Variants in NFYA observed in about 807,000 individuals in gnomAD.
NFYA encodes the protein CAAT-box DNA binding protein subunit A.
NFYA carries 28 observed loss-of-function variants against 52.8 expected under a neutral mutation model. The observed-to-expected ratio is 0.53, with a 90% confidence interval of 0.39 to 0.73. The LOEUF is 0.73. NFYA is among the 30% of genes least tolerant of loss of function. The pLI is 0.00. For synonymous variants in NFYA, 150 were observed against 150.7 expected (o/e 1.00, Z 0.03); for missense variants, 234 against 427.0 (o/e 0.55, Z 3.98).
chr6:41,093,092 A>G lies in NFYA; in HGVS notation c.888+7A>G, dbSNP rs775852517. 10 of 1,613,142 alleles carry G rather than the reference A, an allele frequency of 6.2e-6. 1 individual carries two copies. The South Asian group carries it at 9.9e-5, about 16-fold the overall frequency. On this transcript the variant is annotated splice_region_variant and intron_variant, in intron 8 of 9. Coordinates refer to ENST00000341376, the MANE Select transcript of NFYA (RefSeq NM_002505.5). ...AATTCCAAAGGAGAGAAGGGTATGT[A>G]TAACATTGGGAAGGATATAGGAAAG...
At position 41,101,476 on chromosome 6, in the gene NFYA, C is replaced by T. The variant is rs1180421881; in HGVS notation, c.*4066C>T. On this transcript the variant is annotated 3_prime_UTR_variant, in exon 10 of 10. Transcript: ENST00000341376. ...CGCCCCGGGCTTTGAACCCGTTTTT[C>T]CCAACCCCGAGCATTTTCTATTAAG... is the stretch of plus-strand genomic sequence containing the variant. Among the ~76,000 whole-genome samples, 1 of 152,152 alleles carries T rather than the reference C, an allele frequency of 6.6e-6. No individual in the cohort carries two copies. The highest frequency in any genetic ancestry group is 1.5e-5 in the Non-Finnish European group (1 of 68,008).
chr6:41,081,918 A>G (rs1384341571), intron 3 of NFYA, among the ~76,000 whole-genome samples: 5 of 152,204 alleles, frequency 3.3e-5, no homozygotes, highest in Non-Finnish European at 5.9e-5. Flanking sequence ...AGTATCCTAA[A>G]TTGGGTTCTA....
In NFYA at chr6:41,100,817, C is replaced by T. The variant is rs1022125185; in HGVS notation, c.*3407C>T. On this transcript the variant is annotated 3_prime_UTR_variant, in exon 10 of 10. Coordinates refer to ENST00000341376, the MANE Select transcript of NFYA (RefSeq NM_002505.5). ...TTGCTCCTTTGAAAGCGCAGACCGCCGCACCTCCAGCCCCTTCTCCCCGGG... is the reference window on the plus strand; with the variant it reads ...TTGCTCCTTTGAAAGCGCAGACCGCTGCACCTCCAGCCCCTTCTCCCCGGG... Among the ~76,000 whole-genome samples the T allele has an allele frequency of 6.6e-6, 1 of 152,198 alleles. No individual in the cohort carries two copies. The highest frequency in any genetic ancestry group is 1.5e-5 in the Non-Finnish European group (1 of 68,036).
In NFYA at chr6:41,099,423, C is replaced by T. The variant is rs1037670531; in HGVS notation, c.*2013C>T. 3.3e-5 allele frequency: 5 copies of T among 152,162 alleles called. No homozygotes were observed. The highest frequency in any genetic ancestry group is 1.2e-4 in the African/African-American group (5 of 41,436). 9.4% of individuals were successfully genotyped at this position (152,162 alleles called of 1,614,324 possible). A position where few individuals can be genotyped will look rare whatever the true frequency, so the allele number is the denominator to read the frequency against. The stretch of plus-strand genomic sequence containing the variant: ...TAAGTTTGTACATAGTAATGCCAGC[C>T]TTGTTGCTGAATTTTTTATTTGGGG... On this transcript the variant is annotated 3_prime_UTR_variant, in exon 10 of 10. Transcript: ENST00000341376.
chr6:41,078,310 C>T (rs1019823115), intron 1 of NFYA, among the ~76,000 whole-genome samples: 1 of 152,160 alleles, frequency 6.6e-6, no homozygotes, highest in Non-Finnish European at 1.5e-5. Flanking sequence ...GAGAGTGGTA[C>T]TGTACTTTGC....
chr6:41,093,519 G>A lies in NFYA; in HGVS notation c.888+434G>A, dbSNP rs550779590. Among the ~76,000 whole-genome samples the A allele has an allele frequency of 2.4e-4, 36 of 151,444 alleles. No homozygotes were observed. The East Asian group carries it at 4.1e-3, about 17-fold the overall frequency. On this transcript the variant is annotated intron_variant, in intron 8 of 9. Coordinates refer to ENST00000341376, the MANE Select transcript of NFYA (RefSeq NM_002505.5). ...TCAGTCTTGCTCTGTCATCCAGGCC[G>A]GAGTGCAGTGGCACAATCTCAGCTC...
intron 4 of NFYA, among the ~76,000 whole-genome samples, chr6:41,089,078 G>A (rs890235613): frequency 5.3e-5 from 8 of 151,980 alleles, no homozygotes; most frequent in African/African-American, 1.2e-4. Flanking sequence ...CTCCGCCTCC[G>A]GTTCAAGTGA....
At position 41,080,914 on chromosome 6, in the gene NFYA, T is replaced by G; in HGVS notation, c.162+17T>G. On this transcript the variant is annotated intron_variant, in intron 3 of 9. Coordinates refer to ENST00000341376, the MANE Select transcript of NFYA (RefSeq NM_002505.5). Reference sequence around the variant, plus strand: ...CTCCAGGTAGTGGTACCCTCTCTGATTCTCTGTGAGCACTGCATGAACTTC... The same window carrying G: ...CTCCAGGTAGTGGTACCCTCTCTGAGTCTCTGTGAGCACTGCATGAACTTC... 4 of 1,605,028 alleles carry G rather than the reference T, an allele frequency of 2.5e-6. No homozygotes were observed. The highest frequency in any genetic ancestry group is 3.4e-6 in the Non-Finnish European group (4 of 1,171,830).
chr6:41,085,139 CTG>C (rs1764010007), intron 4 of NFYA, among the ~76,000 whole-genome samples: 1 of 151,926 alleles, frequency 6.6e-6, no homozygotes, highest in Admixed American at 6.6e-5. Flanking sequence ...TAATTTAAAA[CTG>C]TAGAGTTATT....
intron 9 of NFYA, 32 bp from the exon 10 acceptor site, chr6:41,097,325 G>T: frequency 6.2e-7 from 1 of 1,611,846 alleles, no homozygotes; most frequent in South Asian, 1.1e-5. Flanking sequence ...TTTTGCAAAG[G>T]ACTTTAATCA....
intron 9 of NFYA, among the ~76,000 whole-genome samples, chr6:41,094,803 G>A (rs1294428169): frequency 6.6e-6 from 1 of 152,142 alleles, no homozygotes; most frequent in African/African-American, 2.4e-5. Flanking sequence ...GCCAGGCCTG[G>A]TGATGCATGC....
intron 1 of NFYA, among the ~76,000 whole-genome samples, chr6:41,073,983 A>T (rs1030970957): frequency 6.6e-6 from 1 of 151,488 alleles, no homozygotes; most frequent in African/African-American, 2.4e-5. Context: ...CCTCACTCTT[A>T]GAAGATTGAT....
At chr6:41,085,114 A>C (rs1055995381) in intron 4 of NFYA, among the ~76,000 whole-genome samples, 13 of 152,070 alleles carry the variant, frequency 8.5e-5, no homozygotes, top group Non-Finnish European at 1.0e-4. Flanking sequence ...AAAAAGAATT[A>C]ATCATTATTT....
At chr6:41,082,546 TA>T (rs1274399444) in intron 3 of NFYA, among the ~76,000 whole-genome samples, 1 of 152,212 alleles carries the variant, frequency 6.6e-6, no homozygotes, top group Non-Finnish European at 1.5e-5. Context: ...AGATGATGAA[TA>T]GATAGAAAAT....
intron 3 of NFYA, among the ~76,000 whole-genome samples, chr6:41,083,104 A>G (rs373490710): frequency 4.4e-4 from 67 of 152,326 alleles, no homozygotes; most frequent in African/African-American, 1.4e-3. Flanking sequence ...GAGTCTGAAA[A>G]TGAAAATTTT....
In NFYA at chr6:41,097,365, C is replaced by G. The variant is rs773580466; in HGVS notation, c.999C>G (p.Asn333Lys). The change falls in exon 10 of 10, where the codon AAC becomes AAG. Residue 333 changes from asparagine to lysine, a missense_variant. Coordinates refer to ENST00000341376, the MANE Select transcript of NFYA (RefSeq NM_002505.5). ...EKDSPHMQDP[N>K]QADEEAMTQI... The stretch of plus-strand genomic sequence containing the variant: ...GTCATCTTTGTCTCTAGGATCCAAA[C>G]CAAGCCGATGAAGAAGCAATGACAC... 31 of 1,613,834 alleles carry G rather than the reference C, an allele frequency of 1.9e-5. No individual in the cohort carries two copies. Among genetic ancestry groups the G allele is most frequent in the Non-Finnish European group, 2.1e-5 (25 of 1,179,902 alleles).
At chr6:41,085,799 CAG>C (rs1274325365) in intron 4 of NFYA, among the ~76,000 whole-genome samples, 12 of 151,202 alleles carry the variant, frequency 7.9e-5, no homozygotes, top group African/African-American at 2.9e-4. Context: ...CTTGATGAAT[CAG>C]AATTTCTAAT....
intron 6 of NFYA, among the ~76,000 whole-genome samples, chr6:41,090,527 A>T (rs994831152): frequency 2.0e-5 from 3 of 152,212 alleles, no homozygotes; most frequent in Admixed American, 6.5e-5. Flanking sequence ...AGTGGTTGCT[A>T]ATCTAGGGAT....
In NFYA at chr6:41,099,527, C is replaced by G. The variant is rs1196124641; in HGVS notation, c.*2117C>G. Reference sequence around the variant, plus strand: ...ATTTCAAATAGCTCATGACCCTTTTCTTGTGGTCACTTTGGCACACCATAG... The same window carrying G: ...ATTTCAAATAGCTCATGACCCTTTTGTTGTGGTCACTTTGGCACACCATAG... On this transcript the variant is annotated 3_prime_UTR_variant, in exon 10 of 10. Transcript: ENST00000341376. The G allele has an allele frequency of 1.3e-5, 2 of 152,186 alleles. No individual in the cohort carries two copies. The highest frequency in any genetic ancestry group is 1.3e-4 in the Admixed American group (2 of 15,282). The allele number at this position is 152,186 out of a possible 1,614,324, so 9.4% of individuals were successfully genotyped here. A position where few individuals can be genotyped will look rare whatever the true frequency, so the allele number is the denominator to read the frequency against.
Sources: gnomAD v4.1 joint callset for allele counts (sites outside exome capture counted in the v4.1 genomes callset) on GRCh38, gnomAD v4.1.1 for gene constraint, MANE v1.5 for transcripts, NCBI Gene and HGNC (gene_info 2026-07-23, HGNC 2026-07-21) for gene names.